ATRNL1: variants seen among roughly 807,000 people sequenced by gnomAD.
The protein encoded by ATRNL1 is attractin-like protein 1.
A neutral mutation model predicts 182.7 loss-of-function variants in ATRNL1; 95 were observed. The ratio of observed to expected loss-of-function variants is 0.52; its 90% CI spans 0.44 to 0.62. The LOEUF (loss-of-function observed/expected upper bound fraction) is 0.62, where lower values mean the gene tolerates loss of function less well. Ranked by LOEUF, ATRNL1 falls within the 20% of genes least tolerant of loss-of-function variation. The pLI is 0.00. For synonymous variants in ATRNL1, 576 were observed against 568.3 expected, an observed-to-expected ratio of 1.01 and a Z score of -0.19; for missense variants, 1,471 against 1,679.5, an observed-to-expected ratio of 0.88 and a Z score of 2.17.
At chr10:115,214,067 CAT>C (rs1261377553) in intron 8 of ATRNL1, among the ~76,000 whole-genome samples, 3 of 150,124 alleles carry the variant, frequency 2.0e-5, no homozygotes, top group South Asian at 2.1e-4. Flanking sequence ...CACACACACA[CAT>C]ATATATAAAC....
At chr10:115,349,970 T>C (rs1443603122) in intron 19 of ATRNL1, among the ~76,000 whole-genome samples, 1 of 152,164 alleles carries the variant, frequency 6.6e-6, no homozygotes, top group East Asian at 1.9e-4. Flanking sequence ...TTTCATTTTT[T>C]CAATATTACT....
intron 8 of ATRNL1, among the ~76,000 whole-genome samples, chr10:115,197,546 G>T (rs80307995): frequency 0.034 from 5,139 of 152,004 alleles, 287 homozygotes; most frequent in African/African-American, 0.12. Flanking sequence ...AGATATCCAG[G>T]TTCAAATTGT....
chr10:115,838,737 A>T (rs1310088401), intron 27 of ATRNL1, among the ~76,000 whole-genome samples: 1 of 152,150 alleles, frequency 6.6e-6, no homozygotes, highest in Non-Finnish European at 1.5e-5. Flanking sequence ...ATTATGTTTA[A>T]TATAGACTTG....
Position 115,469,224 on chromosome 10 carries a change from G to GGAATACAGA in ATRNL1, c.3552_3560dup (p.Glu1184_Arg1186dup). On this transcript the variant is annotated inframe_insertion, in exon 24 of 29. Coordinates refer to ENST00000355044, the MANE Select transcript of ATRNL1 (RefSeq NM_207303.4). ...CTATAGTTTCCAAGAATAATATAAA[G>GGAATACAGA]GAATACAGAGATAGTTTTTCCTATG... 6.8e-7 allele frequency: 1 copy of GGAATACAGA among 1,461,968 alleles called. No individual in the cohort carries two copies. Among genetic ancestry groups the GGAATACAGA allele is most frequent in the Non-Finnish European group, 9.2e-7 (1 of 1,081,514 alleles). The allele number at this position is 1,461,968 out of a possible 1,614,324, so 90.6% of individuals were successfully genotyped here.
intron 20 of ATRNL1, among the ~76,000 whole-genome samples, chr10:115,397,179 C>G (rs143610479): frequency 6.6e-6 from 1 of 151,848 alleles, no homozygotes; most frequent in Non-Finnish European, 1.5e-5. Flanking sequence ...AATCAGTAAA[C>G]AATTATTAAG....
chr10:115,939,132 G>T (rs1555123563), intron 28 of ATRNL1, among the ~76,000 whole-genome samples: 5 of 152,176 alleles, frequency 3.3e-5, no homozygotes, highest in Non-Finnish European at 7.4e-5. Flanking sequence ...AATATCCACA[G>T]TTATTTGTCA....
At chr10:115,716,100 A>T (rs1350532415) in intron 26 of ATRNL1, among the ~76,000 whole-genome samples, 2 of 152,192 alleles carry the variant, frequency 1.3e-5, no homozygotes, top group Non-Finnish European at 2.9e-5. Context: ...AAAAAACATC[A>T]TGTCTCCTTT....
At chr10:115,908,025 G>A (rs1327788135) in intron 28 of ATRNL1, among the ~76,000 whole-genome samples, 3 of 152,106 alleles carry the variant, frequency 2.0e-5, no homozygotes, top group African/African-American at 7.2e-5. Context: ...GCAAATTCCT[G>A]AATTATTTCT....
intron 8 of ATRNL1, among the ~76,000 whole-genome samples, chr10:115,174,599 T>C (rs899348791): frequency 2.3e-4 from 35 of 152,102 alleles, no homozygotes; most frequent in African/African-American, 7.5e-4. Context: ...AATGACCAGA[T>C]AGTAAATATC....
At chr10:115,810,277 A>G (rs1950017748) in intron 27 of ATRNL1, among the ~76,000 whole-genome samples, 2 of 151,946 alleles carry the variant, frequency 1.3e-5, no homozygotes, top group South Asian at 4.1e-4. Flanking sequence ...CAACTTTAAT[A>G]TCAGAATAAT....
chr10:115,327,452 A>T (rs569734349), intron 18 of ATRNL1, among the ~76,000 whole-genome samples: 1 of 152,056 alleles, frequency 6.6e-6, no homozygotes, highest in East Asian at 1.9e-4. Context: ...GCTGGAGAGG[A>T]TGTGGAGAAA....
intron 5 of ATRNL1, among the ~76,000 whole-genome samples, chr10:115,146,211 T>A (rs1361408822): frequency 6.6e-6 from 1 of 152,098 alleles, no homozygotes; most frequent in Non-Finnish European, 1.5e-5. Flanking sequence ...CACTTCAACA[T>A]TAAAATGAAT....
chr10:115,248,960 G>T (rs1473109681), intron 10 of ATRNL1, among the ~76,000 whole-genome samples: 1 of 151,980 alleles, frequency 6.6e-6, no homozygotes, highest in Admixed American at 6.6e-5. Context: ...TTTCAAATTT[G>T]CATTTAAGAC....
intron 26 of ATRNL1, among the ~76,000 whole-genome samples, chr10:115,609,640 G>A (rs1233018915): frequency 6.6e-6 from 1 of 151,910 alleles, no homozygotes; most frequent in African/African-American, 2.4e-5. Flanking sequence ...TATTTTGCCT[G>A]CTTTCTCCTA....
intron 8 of ATRNL1, among the ~76,000 whole-genome samples, chr10:115,199,051 G>A (rs530087244): frequency 6.6e-6 from 1 of 152,056 alleles, no homozygotes; most frequent in Non-Finnish European, 1.5e-5. Flanking sequence ...ATGTCATTGA[G>A]AGTGTGGTAG....
chr10:115,150,593 T>C (rs1846178945), intron 5 of ATRNL1, among the ~76,000 whole-genome samples: 1 of 152,154 alleles, frequency 6.6e-6, no homozygotes, highest in Non-Finnish European at 1.5e-5. Context: ...TTTAATCCTT[T>C]GATCATTTAG....
At chr10:115,610,653 A>G (rs1476042459) in intron 26 of ATRNL1, among the ~76,000 whole-genome samples, 3 of 152,216 alleles carry the variant, frequency 2.0e-5, no homozygotes, top group Admixed American at 1.3e-4. Flanking sequence ...AGGGAAAATA[A>G]TAGTACCTCA....
At chr10:115,540,785 C>T (rs1032204705) in intron 25 of ATRNL1, among the ~76,000 whole-genome samples, 1 of 148,616 alleles carries the variant, frequency 6.7e-6, no homozygotes, top group African/African-American at 2.5e-5. Context: ...GGGGAGGGAA[C>T]AGGGCTCTAA....
At chr10:115,855,817 G>T (rs1163630611) in intron 28 of ATRNL1, among the ~76,000 whole-genome samples, 1 of 152,098 alleles carries the variant, frequency 6.6e-6, no homozygotes, top group Admixed American at 6.5e-5. Context: ...AAGTTTCAAT[G>T]AACATGAGAA....
Sources: allele counts gnomAD v4.1 joint callset (sites outside exome capture counted in the v4.1 genomes callset), GRCh38; gene constraint gnomAD v4.1.1; transcripts MANE v1.5; gene names NCBI Gene and HGNC (gene_info 2026-07-23, HGNC 2026-07-21).